Variants in MAPK1IP1L observed in about 807,000 individuals in gnomAD.
The protein encoded by MAPK1IP1L is MAPK-interacting and spindle-stabilizing protein-like.
In MAPK1IP1L, 10 loss-of-function variants were observed where a neutral mutation model predicts 18.1. The observed-to-expected ratio is 0.55, with a 90% CI of 0.34 to 0.94. MAPK1IP1L has a LOEUF of 0.94. MAPK1IP1L is among the 40% of genes least tolerant of loss of function. The pLI, the probability that MAPK1IP1L is intolerant of heterozygous loss-of-function variation, is 0.02. For synonymous variants in MAPK1IP1L, 115 were observed against 117.3 expected, an observed-to-expected ratio of 0.98 and a Z score of 0.13; for missense variants, 260 against 318.2, an observed-to-expected ratio of 0.82 and a Z score of 1.39.
rs193096288 is a variant in MAPK1IP1L, at chr14:55,064,453, A to G, written c.727-163A>G. Reference sequence around the variant, plus strand: ...TAGTGTAATTTCTTTCTTGCTATATATATTATCTAAAAATATTTGTTTTGC... The same window carrying G: ...TAGTGTAATTTCTTTCTTGCTATATGTATTATCTAAAAATATTTGTTTTGC... On this transcript the variant is annotated intron_variant, in intron 3 of 3. Coordinates refer to ENST00000395468, the MANE Select transcript of MAPK1IP1L (RefSeq NM_144578.4). Among the ~76,000 whole-genome samples the G allele has an allele frequency of 1.5e-4, 23 of 152,314 alleles. No homozygotes were observed. In the East Asian group the frequency reaches 3.1e-3, roughly 20 times the overall value.
chr14:55,061,811 C>A, intron 2 of MAPK1IP1L, 110 bp downstream of exon 2: 2 of 878,304 alleles, frequency 2.3e-6, no homozygotes, highest in Non-Finnish European at 3.4e-6. Flanking sequence ...TTTAACCAGG[C>A]ATGGTGGTGT....
chr14:55,058,971 T>C (rs2042792665), intron 1 of MAPK1IP1L, among the ~76,000 whole-genome samples: 1 of 151,934 alleles, frequency 6.6e-6, no homozygotes, highest in Admixed American at 6.6e-5. Flanking sequence ...ATAGGTTATA[T>C]GCAAATACTA....
rs781594272 is a variant in MAPK1IP1L, at chr14:55,063,222, C to G, written c.623C>G (p.Pro208Arg). ...AWGPPAPYPA[P>R]TGSYPTPGLY... is the part of the protein sequence containing the mutation. ...GGACCACCAGCACCATATCCTGCCC[C>G]TACAGGATCGTATCCCACACCAGGA... is the stretch of plus-strand genomic sequence containing the variant. Residue 208 changes from proline to arginine, a missense_variant, in exon 3 of 4, where the codon CCT (proline) becomes CGT (arginine). Physicochemically the swap from Pro to Arg is moderately radical, Grantham distance 103 (BLOSUM62 -2). Transcript: ENST00000395468. The G allele has an allele frequency of 1.2e-6, 2 of 1,614,176 alleles. No individual in the cohort carries two copies. The highest frequency in any genetic ancestry group is 1.7e-6 in the Non-Finnish European group (2 of 1,180,026).
intron 1 of MAPK1IP1L, among the ~76,000 whole-genome samples, chr14:55,058,453 T>C (rs2042788538): frequency 1.3e-5 from 2 of 152,110 alleles, no homozygotes; most frequent in Admixed American, 6.5e-5. Context: ...AAAAGAAATG[T>C]ATATAGGAGA....
chr14:55,054,588 G>T (rs2042756553), intron 1 of MAPK1IP1L, among the ~76,000 whole-genome samples: 1 of 152,184 alleles, frequency 6.6e-6, no homozygotes, highest in Non-Finnish European at 1.5e-5. Flanking sequence ...TATTTTCTGT[G>T]CAGTGGGCAG....
At position 55,069,256 on chromosome 14, in the gene MAPK1IP1L, T is replaced by C. The variant is rs1390745283; in HGVS notation, c.*4629T>C. 6.6e-6 allele frequency: 1 copy of C among 152,642 alleles called. No homozygotes were observed. Among genetic ancestry groups the C allele is most frequent in the African/African-American group, 2.4e-5 (1 of 41,462 alleles). The allele number at this position is 152,642 out of a possible 1,614,324, so 9.5% of individuals were successfully genotyped here. A position where few individuals can be genotyped will look rare whatever the true frequency, so the allele number is the denominator to read the frequency against. ...AATTGTGATTTTTCACTGACAGTAA[T>C]GACAAATTTAATGTATGTAATTGTC... is the stretch of plus-strand genomic sequence containing the variant. On this transcript the variant is annotated 3_prime_UTR_variant, in exon 4 of 4. Transcript: ENST00000395468.
intron 1 of MAPK1IP1L, among the ~76,000 whole-genome samples, chr14:55,053,431 A>AT (rs560260399): frequency 3.9e-5 from 6 of 152,126 alleles, no homozygotes; most frequent in Non-Finnish European, 7.4e-5. Context: ...CCCAAGCACT[A>AT]TTTTTTTAGG....
intron 1 of MAPK1IP1L, among the ~76,000 whole-genome samples, chr14:55,052,091 TGCGGG>T (rs945631700): frequency 5.3e-5 from 8 of 151,834 alleles, no homozygotes; most frequent in Non-Finnish European, 8.8e-5. Flanking sequence ...CAGGTCTGGC[TGCGGG>T]GCGGGGCGGG....
At chr14:55,061,390 G>C (rs575304110) in intron 1 of MAPK1IP1L, among the ~76,000 whole-genome samples, 4 of 152,158 alleles carry the variant, frequency 2.6e-5, no homozygotes. Context: ...AGTGTTGAGA[G>C]ATGTTCACTG....
chr14:55,058,898 T>A (rs188392253), intron 1 of MAPK1IP1L, among the ~76,000 whole-genome samples: 3 of 151,520 alleles, frequency 2.0e-5, no homozygotes, highest in Admixed American at 6.6e-5. Flanking sequence ...AATATAATTA[T>A]ATAGTATTCA....
intron 1 of MAPK1IP1L, 53 bp from the exon 2 acceptor site, chr14:55,061,627 G>C (rs1177663291): frequency 1.6e-6 from 2 of 1,278,916 alleles, no homozygotes; most frequent in African/African-American, 3.0e-5. Flanking sequence ...AAGAAATGGT[G>C]AACACTGATT....
rs1486050717 is a variant in MAPK1IP1L, at chr14:55,065,648, T to C, written c.*1021T>C. On this transcript the variant is annotated 3_prime_UTR_variant, in exon 4 of 4. Transcript: ENST00000395468. ...TGGCACACTCCAGGGGTCTAAAACATAAAACAGTTGTGTTTAGGGAACCTT... is the reference window on the plus strand; with the variant it reads ...TGGCACACTCCAGGGGTCTAAAACACAAAACAGTTGTGTTTAGGGAACCTT... 1 of 152,142 alleles carries C rather than the reference T, an allele frequency of 6.6e-6. No individual in the cohort carries two copies. The highest frequency in any genetic ancestry group is 2.4e-5 in the African/African-American group (1 of 41,424). The allele number at this position is 152,142 out of a possible 1,614,324, so 9.4% of individuals were successfully genotyped here. A position where few individuals can be genotyped will look rare whatever the true frequency, so the allele number is the denominator to read the frequency against.
At chr14:55,059,077 A>C (rs1167327438) in intron 1 of MAPK1IP1L, among the ~76,000 whole-genome samples, 1 of 151,734 alleles carries the variant, frequency 6.6e-6, no homozygotes, top group Non-Finnish European at 1.5e-5. Flanking sequence ...ACTATACTAT[A>C]CCTTGTTCTT....
At chr14:55,063,891 G>T (rs2042839987) in intron 3 of MAPK1IP1L, 1 of 152,000 alleles carries the variant, frequency 6.6e-6, no homozygotes. Flanking sequence ...TGAGGAGCCT[G>T]CCTTGGTCAT....
chr14:55,066,034 T>C lies in MAPK1IP1L; in HGVS notation c.*1407T>C, dbSNP rs2042859835. ...GCACCTTATGTTTAAATCAGATTCT[T>C]AGATTTGGAGTAGACCTGACCTTGT... On this transcript the variant is annotated 3_prime_UTR_variant, in exon 4 of 4. Transcript: ENST00000395468. The C allele has an allele frequency of 6.6e-6, 1 of 152,190 alleles. No homozygotes were observed. The highest frequency in any genetic ancestry group is 2.4e-5 in the African/African-American group (1 of 41,460). The allele number at this position is 152,190 out of a possible 1,614,324, so 9.4% of individuals were successfully genotyped here.
chr14:55,067,588 G>A lies in MAPK1IP1L; in HGVS notation c.*2961G>A, dbSNP rs1389643766. Reference sequence around the variant, plus strand: ...CACACCCATTTTTGTATTTTTAGTAGAGACGGGGGTTTCACCATGTTGGCC... The same window carrying A: ...CACACCCATTTTTGTATTTTTAGTAAAGACGGGGGTTTCACCATGTTGGCC... On this transcript the variant is annotated 3_prime_UTR_variant, in exon 4 of 4. Transcript: ENST00000395468. 1 of 151,714 alleles carries A rather than the reference G, an allele frequency of 6.6e-6. No individual in the cohort carries two copies. The highest frequency in any genetic ancestry group is 1.5e-5 in the Non-Finnish European group (1 of 67,958). 9.4% of individuals were successfully genotyped at this position (151,714 alleles called of 1,614,324 possible).
At chr14:55,052,286 A>G (rs993163755) in intron 1 of MAPK1IP1L, among the ~76,000 whole-genome samples, 2 of 152,156 alleles carry the variant, frequency 1.3e-5, no homozygotes, top group African/African-American at 2.4e-5. Context: ...TTAATTTTTA[A>G]TAAAAAGGGA....
intron 1 of MAPK1IP1L, among the ~76,000 whole-genome samples, chr14:55,055,328 G>A (rs1420651081): frequency 6.6e-6 from 1 of 152,036 alleles, no homozygotes; most frequent in Non-Finnish European, 1.5e-5. Flanking sequence ...ATATTGAAAC[G>A]TTCATGTCCA....
At position 55,064,994 on chromosome 14, in the gene MAPK1IP1L, C is replaced by T. The variant is rs2042851062; in HGVS notation, c.*367C>T. On this transcript the variant is annotated 3_prime_UTR_variant, in exon 4 of 4. Transcript: ENST00000395468. ...CTGCAACTTCATTGGCAAATTATTT[C>T]AAGTATTTTTCTATAATCACTTTCC... 5.6e-6 allele frequency: 1 copy of T among 179,876 alleles called. No individual in the cohort carries two copies. Among genetic ancestry groups the T allele is most frequent in the Non-Finnish European group, 1.2e-5 (1 of 86,806 alleles). The allele number at this position is 179,876 out of a possible 1,614,324, so 11.1% of individuals were successfully genotyped here.
Sources: allele counts gnomAD v4.1 joint callset (sites outside exome capture counted in the v4.1 genomes callset), GRCh38; gene constraint gnomAD v4.1.1; transcripts MANE v1.5; gene names NCBI Gene and HGNC (gene_info 2026-07-23, HGNC 2026-07-21).